Variants in USP40 observed in about 807,000 individuals in gnomAD.
USP40 encodes the protein ubiquitin specific peptidase 40.
Under a neutral mutation model 166.2 loss-of-function variants are expected in USP40, and 143 were observed. That is an observed-to-expected ratio of 0.86 (90% CI 0.75 to 0.99). The LOEUF is 0.99. Ranked by LOEUF, USP40 falls within the 50% of genes least tolerant of loss-of-function variation. The pLI is 0.00. For synonymous variants in USP40, 498 were observed against 524.0 expected, an observed-to-expected ratio of 0.95 and a Z score of 0.68; for missense variants, 1,444 against 1,479.7, an observed-to-expected ratio of 0.98 and a Z score of 0.40.
In USP40 at chr2:233,542,361, C is replaced by CT; in HGVS notation, c.968dup (p.Glu324GlyfsTer4). 6.5e-7 allele frequency: 1 copy of CT among 1,541,598 alleles called. No homozygotes were observed. Among genetic ancestry groups the CT allele is most frequent in the Non-Finnish European group, 8.8e-7 (1 of 1,141,880 alleles). On this transcript the variant is annotated frameshift_variant and splice_region_variant, in exon 9 of 32. Coordinates refer to ENST00000678225, the MANE Select transcript of USP40 (RefSeq NM_001365479.2). LOFTEE classifies it high-confidence loss of function. ...GATTCACATCTGGTTTACTTTTTTC[C>CT]TCCTAGGAAGGAAAACAGTATGAGT...
chr2:233,491,481 T>G (rs984437034), intron 25 of USP40: 2 of 564,708 alleles, frequency 3.5e-6, no homozygotes, highest in Non-Finnish European at 6.4e-6. Flanking sequence ...GCCCCTACCT[T>G]GAATGTACTT....
In USP40 at chr2:233,477,335, C is replaced by T; in HGVS notation, c.*57G>A. 1.3e-6 allele frequency: 2 copies of T among 1,550,484 alleles called. No homozygotes were observed. Among genetic ancestry groups the T allele is most frequent in the Non-Finnish European group, 1.8e-6 (2 of 1,132,870 alleles). ...AGCCAGTCCCCATGCCCAGGAAACC[C>T]ACGTTTGTGGCATCAGCCGGAGAGT... On this transcript the variant is annotated 3_prime_UTR_variant, in exon 32 of 32. Coordinates refer to ENST00000678225, the MANE Select transcript of USP40 (RefSeq NM_001365479.2).
chr2:233,558,632 C>T (rs574040548), intron 4 of USP40, among the ~76,000 whole-genome samples: 8 of 152,222 alleles, frequency 5.3e-5, no homozygotes, highest in South Asian at 2.1e-4. Flanking sequence ...TTACTGCTAA[C>T]GGGTATGGAG....
chr2:233,533,937 A>C (rs915309910), intron 10 of USP40, among the ~76,000 whole-genome samples, 158 bp from the exon 11 acceptor site: 1 of 152,218 alleles, frequency 6.6e-6, no homozygotes, highest in African/African-American at 2.4e-5. Flanking sequence ...AGGTATCATA[A>C]AACATTTAAT....
At chr2:233,526,851 C>T (rs1173159650) in intron 13 of USP40, among the ~76,000 whole-genome samples, 1 of 152,154 alleles carries the variant, frequency 6.6e-6, no homozygotes, top group African/African-American at 2.4e-5. Flanking sequence ...AACCAAATCA[C>T]ATGATTTATA....
chr2:233,514,615 T>C (rs1285670244), intron 18 of USP40, among the ~76,000 whole-genome samples: 1 of 152,152 alleles, frequency 6.6e-6, no homozygotes, highest in Non-Finnish European at 1.5e-5. Context: ...CTAAAGGGCT[T>C]TGTGCGGAGG....
intron 7 of USP40, among the ~76,000 whole-genome samples, chr2:233,550,949 A>C (rs2070490434): frequency 6.6e-6 from 1 of 152,180 alleles, no homozygotes; most frequent in Non-Finnish European, 1.5e-5. Context: ...GTAAACTTCT[A>C]ATTTTGTTCT....
intron 12 of USP40, among the ~76,000 whole-genome samples, chr2:233,528,716 T>G (rs918667883): frequency 2.0e-5 from 3 of 152,138 alleles, no homozygotes; most frequent in Admixed American, 6.5e-5. Flanking sequence ...ACTGTACTTT[T>G]TTCCCCCAGC....
At chr2:233,487,850 T>C (rs985493462) in intron 28 of USP40, 4 of 462,776 alleles carry the variant, frequency 8.6e-6, no homozygotes, top group Admixed American at 2.5e-5. Flanking sequence ...AGTACAGATA[T>C]GTCAGGTGAT....
intron 4 of USP40, 63 bp downstream of exon 4, chr2:233,559,748 T>G (rs1165896318): frequency 8.4e-7 from 1 of 1,193,702 alleles, no homozygotes; most frequent in Non-Finnish European, 1.2e-6. Flanking sequence ...TAGATAACAT[T>G]AAACCAGCCT....
intron 11 of USP40, among the ~76,000 whole-genome samples, chr2:233,529,814 C>CTTTTTTT (rs369071345): frequency 0.013 from 1,712 of 133,846 alleles, 86 homozygotes; most frequent in African/African-American, 0.039. Context: ...TTTTCTTTTT[C>CTTTTTTT]TTTTTTTTTT....
intron 13 of USP40, 63 bp from the exon 14 acceptor site, chr2:233,525,625 A>C (rs1407700644): frequency 7.9e-7 from 1 of 1,273,430 alleles, no homozygotes; most frequent in African/African-American, 1.5e-5. Flanking sequence ...TCACCTTTCC[A>C]GGTTACTGTG....
intron 26 of USP40, among the ~76,000 whole-genome samples, chr2:233,490,098 A>G (rs528723249): frequency 4.5e-4 from 68 of 151,420 alleles, no homozygotes; most frequent in African/African-American, 1.6e-3. Flanking sequence ...TTAATATGAG[A>G]AAAAAAAAGT....
chr2:233,563,828 C>A (rs1001035837), intron 2 of USP40, among the ~76,000 whole-genome samples: 1 of 152,174 alleles, frequency 6.6e-6, no homozygotes, highest in Non-Finnish European at 1.5e-5. Flanking sequence ...GCTTGGCCAG[C>A]AATCCCCTCT....
chr2:233,518,899 A>C (rs1025204147), intron 18 of USP40, among the ~76,000 whole-genome samples: 3 of 152,226 alleles, frequency 2.0e-5, no homozygotes, highest in African/African-American at 7.2e-5. Context: ...ATGTGATACT[A>C]TCCATATAAT....
At chr2:233,538,368 A>G (rs1302491553) in intron 10 of USP40, among the ~76,000 whole-genome samples, 4 of 152,218 alleles carry the variant, frequency 2.6e-5, no homozygotes, top group African/African-American at 9.6e-5. Context: ...AGAAAACAGA[A>G]GAGCAGAGAA....
At chr2:233,521,224 G>T in intron 16 of USP40, 110 bp from the exon 17 acceptor site, 1 of 1,266,648 alleles carries the variant, frequency 7.9e-7, no homozygotes, top group Non-Finnish European at 1.1e-6. Flanking sequence ...AAGTTCTACT[G>T]AGTCGTCTCT....
At chr2:233,481,868 T>C (rs911278879) in intron 30 of USP40, among the ~76,000 whole-genome samples, 1 of 152,216 alleles carries the variant, frequency 6.6e-6, no homozygotes, top group Non-Finnish European at 1.5e-5. Flanking sequence ...CACACGCATG[T>C]TATTTCCGTA....
chr2:233,534,650 T>C lies in USP40; in HGVS notation c.1171-871A>G, dbSNP rs993851592. 2.0e-5 allele frequency among the ~76,000 whole-genome samples: 3 copies of C among 152,158 alleles called. No individual in the cohort carries two copies. The East Asian group carries it at 5.8e-4, about 29-fold the overall frequency. Reference sequence around the variant, plus strand: ...TGTAGGGCATAACCCAAAGACAACATTGTTAACATTGTGTATGAGAACAGA... The same window carrying C: ...TGTAGGGCATAACCCAAAGACAACACTGTTAACATTGTGTATGAGAACAGA... On this transcript the variant is annotated intron_variant, in intron 10 of 31. Transcript: ENST00000678225.
Sources: allele counts gnomAD v4.1 joint callset (sites outside exome capture counted in the v4.1 genomes callset), GRCh38; gene constraint gnomAD v4.1.1; transcripts MANE v1.5; gene names NCBI Gene and HGNC (gene_info 2026-07-23, HGNC 2026-07-21).